LMBRD2: variants seen among roughly 807,000 people sequenced by gnomAD.
The protein encoded by LMBRD2 is LMBR1 domain containing 2.
Under a neutral mutation model 94.4 loss-of-function variants are expected in LMBRD2, and 55 were observed. The observed-to-expected ratio is 0.58, with a 90% CI of 0.47 to 0.73. The LOEUF is 0.73. Among genes scored for constraint, LMBRD2 ranks in the 30% least tolerant of loss-of-function variants. LMBRD2 has a pLI of 0.00. For synonymous variants in LMBRD2, 246 were observed against 272.4 expected (o/e 0.90, Z 0.95); for missense variants, 640 against 831.9 (o/e 0.77, Z 2.84).
Position 36,143,410 on chromosome 5 carries a change from T to C in LMBRD2, c.-57-4A>G. On this transcript the variant is annotated splice_polypyrimidine_tract_variant and splice_region_variant and intron_variant, in intron 1 of 17. Transcript: ENST00000296603. ...CATGTACAGGTCTGGACCATATCTATAAAGTAAAAAGAAGGTTAAAATGCA... is the reference window on the plus strand; with the variant it reads ...CATGTACAGGTCTGGACCATATCTACAAAGTAAAAAGAAGGTTAAAATGCA... 7.6e-7 allele frequency: 1 copy of C among 1,311,736 alleles called. No homozygotes were observed. Among genetic ancestry groups the C allele is most frequent in the Admixed American group, 2.4e-5 (1 of 41,800 alleles). 81.3% of individuals were successfully genotyped at this position (1,311,736 alleles called of 1,614,324 possible). A position where few individuals can be genotyped will look rare whatever the true frequency, so the allele number is the denominator to read the frequency against.
chr5:36,122,279 C>T lies in LMBRD2; in HGVS notation c.1120+1G>A. The T allele has an allele frequency of 6.4e-7, 1 of 1,565,154 alleles. No individual in the cohort carries two copies. The highest frequency in any genetic ancestry group is 8.6e-7 in the Non-Finnish European group (1 of 1,158,808). On this transcript the variant is annotated splice_donor_variant, in intron 9 of 17. Coordinates refer to ENST00000296603, the MANE Select transcript of LMBRD2 (RefSeq NM_001007527.2). LOFTEE classifies it high-confidence loss of function. ...TTTGAAATTTATATCAAATTACATA[C>T]CAAATGTAGGATTATAAAAATATTG... is the stretch of plus-strand genomic sequence containing the variant.
intron 3 of LMBRD2, 33 bp from the exon 4 acceptor site, chr5:36,141,235 T>C (rs777617765): frequency 1.3e-5 from 16 of 1,202,968 alleles, no homozygotes; most frequent in African/African-American, 1.5e-5. Flanking sequence ...CAACTAATCA[T>C]AAATGACTAC....
At chr5:36,133,455 A>G (rs910208904) in intron 6 of LMBRD2, among the ~76,000 whole-genome samples, 1 of 152,184 alleles carries the variant, frequency 6.6e-6, no homozygotes, top group Admixed American at 6.5e-5. Context: ...ACTACAGTCA[A>G]TAATGTAATT....
chr5:36,125,563 C>CT (rs1743989731), intron 6 of LMBRD2, among the ~76,000 whole-genome samples: 1 of 152,012 alleles, frequency 6.6e-6, no homozygotes, highest in African/African-American at 2.4e-5. Flanking sequence ...AAATAAGAAG[C>CT]TTTTTTCAAA....
At chr5:36,131,037 A>G (rs563832711) in intron 6 of LMBRD2, among the ~76,000 whole-genome samples, 1 of 152,306 alleles carries the variant, frequency 6.6e-6, no homozygotes, top group African/African-American at 2.4e-5. Flanking sequence ...CATCAAAAAA[A>G]GAAAACTGCA....
chr5:36,108,488 G>A, intron 16 of LMBRD2, 46 bp downstream of exon 16: 1 of 976,236 alleles, frequency 1.0e-6, no homozygotes, highest in South Asian at 1.6e-5. Context: ...ATGCAAGAAA[G>A]CATAAGAAAA....
At chr5:36,124,327 A>ATTCTCATTTG in intron 6 of LMBRD2, 62 bp from the exon 7 acceptor site, 3 of 906,654 alleles carry the variant, frequency 3.3e-6, no homozygotes, top group Non-Finnish European at 5.3e-6. Flanking sequence ...ATTCCAAATG[A>ATTCTCATTTG]GAATGCATTA....
chr5:36,143,029 G>A (rs1579529059), intron 2 of LMBRD2, 147 bp downstream of exon 2: 3 of 658,246 alleles, frequency 4.6e-6, no homozygotes, highest in Non-Finnish European at 7.5e-6. Flanking sequence ...CCGGCCCTTG[G>A]CTATGCTTTT....
chr5:36,131,313 C>T (rs763384140), intron 6 of LMBRD2, among the ~76,000 whole-genome samples: 9 of 152,084 alleles, frequency 5.9e-5, no homozygotes, highest in Non-Finnish European at 1.3e-4. Flanking sequence ...CTAAAAAACC[C>T]TGAATATACA....
intron 7 of LMBRD2, 92 bp from the exon 8 acceptor site, chr5:36,123,053 C>T: frequency 8.0e-7 from 1 of 1,242,748 alleles, no homozygotes; most frequent in Non-Finnish European, 1.1e-6. Flanking sequence ...TTGAGCAGTT[C>T]TAATTTTCTC....
chr5:36,117,500 A>C (rs77037639), intron 10 of LMBRD2, among the ~76,000 whole-genome samples: 1 of 150,422 alleles, frequency 6.6e-6, no homozygotes, highest in Non-Finnish European at 1.5e-5. Flanking sequence ...AAACAGAAAG[A>C]AAAAAAAAAT....
Position 36,136,319 on chromosome 5 carries a change from T to C in LMBRD2, c.737A>G (p.Asp246Gly). Residue 246 changes from aspartate to glycine, a missense_variant, in exon 6 of 18, where the codon GAT (aspartate) becomes GGT (glycine). Asp to Gly is a moderately conservative substitution (Grantham distance 94). Transcript: ENST00000296603. Reference protein sequence around the residue: ...EKADAEENLEDAMEEVRKVNE... With the variant: ...EKADAEENLEGAMEEVRKVNE... Reference sequence around the variant, plus strand: ...TTCAAACTTGCTTACCTCCATGGCATCTTCCAAATTCTCTTCTGCATCTGC... The same window carrying C: ...TTCAAACTTGCTTACCTCCATGGCACCTTCCAAATTCTCTTCTGCATCTGC... 1 of 1,614,030 alleles carries C rather than the reference T, an allele frequency of 6.2e-7. No homozygotes were observed. The highest frequency in any genetic ancestry group is 1.7e-4 in the Middle Eastern group (1 of 6,060).
chr5:36,136,542 A>C, intron 5 of LMBRD2, 23 bp from the exon 6 acceptor site: 2 of 1,587,286 alleles, frequency 1.3e-6, no homozygotes, highest in Non-Finnish European at 1.7e-6. Context: ...AACAACAGAT[A>C]ATATGTATAT....
chr5:36,150,290 G>A (rs529498509), intron 1 of LMBRD2, among the ~76,000 whole-genome samples: 2 of 152,242 alleles, frequency 1.3e-5, no homozygotes, highest in African/African-American at 4.8e-5. Flanking sequence ...AACCAAGACT[G>A]AACAAAGATA....
At chr5:36,140,118 T>C (rs1432208003) in intron 4 of LMBRD2, among the ~76,000 whole-genome samples, 1 of 152,230 alleles carries the variant, frequency 6.6e-6, no homozygotes, top group East Asian at 1.9e-4. Context: ...TCCAAGCTTC[T>C]GGGTACCACC....
intron 16 of LMBRD2, among the ~76,000 whole-genome samples, chr5:36,107,227 T>C (rs1376568362): frequency 2.0e-5 from 3 of 152,176 alleles, no homozygotes; most frequent in Admixed American, 2.0e-4. Context: ...CTGGTGAAAT[T>C]CCCCCCTATC....
chr5:36,142,819 G>A (rs267765), intron 2 of LMBRD2: 2 of 397,804 alleles, frequency 5.0e-6, no homozygotes, highest in Non-Finnish European at 9.1e-6. Context: ...CCGCCTCCCG[G>A]ATTCACGCCA....
chr5:36,111,296 T>C, intron 13 of LMBRD2, 38 bp from the exon 14 acceptor site: 1 of 1,287,292 alleles, frequency 7.8e-7, no homozygotes, highest in Non-Finnish European at 1.1e-6. Context: ...CAAACATTAT[T>C]TCACATTGTA....
At chr5:36,150,091 T>C (rs1441635317) in intron 1 of LMBRD2, among the ~76,000 whole-genome samples, 1 of 152,124 alleles carries the variant, frequency 6.6e-6, no homozygotes, top group Non-Finnish European at 1.5e-5. Context: ...ATTAAGGCAA[T>C]AGTCATGATT....
Sources: gnomAD v4.1 joint callset for allele counts (sites outside exome capture counted in the v4.1 genomes callset) on GRCh38, gnomAD v4.1.1 for gene constraint, MANE v1.5 for transcripts, NCBI Gene and HGNC (gene_info 2026-07-23, HGNC 2026-07-21) for gene names.